The following METAP1 variants were observed in gnomAD, a reference collection of about 807,000 sequenced individuals.
The protein encoded by METAP1 is methionine aminopeptidase 1.
In METAP1, 28 loss-of-function variants were observed where a neutral mutation model predicts 53.8. That is an observed-to-expected ratio of 0.52 (90% confidence interval 0.39 to 0.71). The LOEUF (loss-of-function observed/expected upper bound fraction) is 0.71, where lower values mean the gene tolerates loss of function less well. Among genes scored for constraint, METAP1 ranks in the 30% least tolerant of loss-of-function variants. METAP1 has a pLI of 0.00. For synonymous variants in METAP1, 181 were observed against 165.7 expected (o/e 1.09, Z -0.71); for missense variants, 389 against 479.8 (o/e 0.81, Z 1.77).
At chr4:99,000,336 G>A (rs1722859606) in intron 1 of METAP1, among the ~76,000 whole-genome samples, 1 of 152,194 alleles carries the variant, frequency 6.6e-6, no homozygotes, top group Non-Finnish European at 1.5e-5. Context: ...TAAGCATAGT[G>A]TAAGTGGAAG....
At chr4:99,011,969 A>AAACAG (rs1389920840) in intron 1 of METAP1, among the ~76,000 whole-genome samples, 12 of 152,140 alleles carry the variant, frequency 7.9e-5, no homozygotes, top group Non-Finnish European at 1.3e-4. Context: ...AAACAAAACA[A>AAACAG]AATGAGCTTG....
chr4:99,014,956 G>C (rs1376897273), intron 1 of METAP1, among the ~76,000 whole-genome samples: 1 of 152,196 alleles, frequency 6.6e-6, no homozygotes, highest in Non-Finnish European at 1.5e-5. Context: ...GCCCTCGGGG[G>C]CTGACCCTCA....
intron 9 of METAP1, among the ~76,000 whole-genome samples, chr4:99,056,899 A>G (rs188615974): frequency 1.1e-3 from 170 of 149,168 alleles, no homozygotes; most frequent in African/African-American, 3.7e-3. Context: ...GTCTTGCTCA[A>G]TCGCCCAGGC....
At chr4:99,044,110 G>A (rs1168084196) in intron 7 of METAP1, among the ~76,000 whole-genome samples, 1 of 151,978 alleles carries the variant, frequency 6.6e-6, no homozygotes, top group African/African-American at 2.4e-5. Context: ...TGTATTTTTT[G>A]TAGAGATGGG....
chr4:99,049,630 T>A (rs968998516), intron 9 of METAP1, among the ~76,000 whole-genome samples: 2 of 152,148 alleles, frequency 1.3e-5, no homozygotes, highest in African/African-American at 4.8e-5. Flanking sequence ...AATCTGTTAT[T>A]TAATGTCAGA....
At chr4:99,016,288 A>G (rs1387722008) in intron 1 of METAP1, among the ~76,000 whole-genome samples, 1 of 152,210 alleles carries the variant, frequency 6.6e-6, no homozygotes, top group Admixed American at 6.5e-5. Flanking sequence ...ATGAACCTGT[A>G]TCTCTTCGGG....
chr4:99,042,190 T>A (rs1725922594), intron 6 of METAP1, among the ~76,000 whole-genome samples: 1 of 152,078 alleles, frequency 6.6e-6, no homozygotes, highest in Admixed American at 6.5e-5. Context: ...TGCTCTGAAC[T>A]ATTATTTGTA....
chr4:99,033,517 T>C (rs1227123686), intron 2 of METAP1, among the ~76,000 whole-genome samples: 1 of 152,166 alleles, frequency 6.6e-6, no homozygotes, highest in Non-Finnish European at 1.5e-5. Flanking sequence ...TGAGTAGAAT[T>C]CTTGCGTATA....
At chr4:99,045,097 C>G in intron 7 of METAP1, 82 bp from the exon 8 acceptor site, 1 of 1,379,164 alleles carries the variant, frequency 7.3e-7, no homozygotes, top group East Asian at 2.5e-5. Context: ...CATTAAGTTG[C>G]TAGATGCTGT....
At chr4:99,036,726 T>C (rs77729435) in intron 4 of METAP1, among the ~76,000 whole-genome samples, 1,897 of 152,174 alleles carry the variant, frequency 0.012, 39 homozygotes, top group African/African-American at 0.043. Context: ...TACTACTGAG[T>C]GTTTAGATCA....
chr4:99,005,355 A>G (rs1024051453), intron 1 of METAP1, among the ~76,000 whole-genome samples: 18 of 152,234 alleles, frequency 1.2e-4, no homozygotes, highest in East Asian at 9.6e-4. Context: ...TCAAAAGAAG[A>G]TATGGCCAAC....
intron 7 of METAP1, among the ~76,000 whole-genome samples, chr4:99,043,866 G>A (rs1726040840): frequency 6.6e-6 from 1 of 152,166 alleles, no homozygotes; most frequent in African/African-American, 2.4e-5. Flanking sequence ...TACAAGTATA[G>A]AGAGTAGAGG....
intron 9 of METAP1, among the ~76,000 whole-genome samples, chr4:99,050,389 C>T (rs1726606516): frequency 6.6e-6 from 1 of 152,142 alleles, no homozygotes. Context: ...AGATGGATTG[C>T]AGGTGGGAGT....
intron 1 of METAP1, among the ~76,000 whole-genome samples, chr4:99,002,594 A>C (rs1034557184): frequency 6.6e-6 from 1 of 152,114 alleles, no homozygotes; most frequent in Non-Finnish European, 1.5e-5. Flanking sequence ...TTGTGTGTGC[A>C]TGTGTGTGTG....
chr4:99,040,208 G>A lies in METAP1; in HGVS notation c.432+743G>A, dbSNP rs185972283. On this transcript the variant is annotated intron_variant, in intron 5 of 10. Transcript: ENST00000296411. ...ATTTTCACAAGTCATCATAACATAG[G>A]ACAGAGTTTAAGGCTCAGAGGGTTA... Among the ~76,000 whole-genome samples, 254 of 152,130 alleles carry A rather than the reference G, an allele frequency of 1.7e-3. 3 individuals carry two copies. Among genetic ancestry groups the A allele is most frequent in the African/African-American group, 5.5e-3 (230 of 41,524 alleles).
intron 1 of METAP1, chr4:99,022,582 A>T: frequency 1.5e-6 from 1 of 652,188 alleles, no homozygotes; most frequent in South Asian, 2.0e-5. Flanking sequence ...AAGATAGAAG[A>T]TGGTCTCACA....
At chr4:99,013,510 A>G (rs900255184) in intron 1 of METAP1, among the ~76,000 whole-genome samples, 5 of 152,232 alleles carry the variant, frequency 3.3e-5, no homozygotes, top group African/African-American at 4.8e-5. Flanking sequence ...ACTTTCTGCC[A>G]AAAGGGTGCA....
chr4:99,006,124 A>G (rs1225080581), intron 1 of METAP1, among the ~76,000 whole-genome samples: 1 of 152,196 alleles, frequency 6.6e-6, no homozygotes, highest in Non-Finnish European at 1.5e-5. Context: ...GGAGTTGTGT[A>G]TTACTCATGA....
At chr4:99,023,065 A>G in intron 1 of METAP1, 1 of 1,349,822 alleles carries the variant, frequency 7.4e-7, no homozygotes, top group Non-Finnish European at 1.0e-6. Context: ...CTCCACATCT[A>G]GTGTCTGGTC....
Sources: gnomAD v4.1 joint callset for allele counts (sites outside exome capture counted in the v4.1 genomes callset) on GRCh38, gnomAD v4.1.1 for gene constraint, MANE v1.5 for transcripts, NCBI Gene and HGNC (gene_info 2026-07-23, HGNC 2026-07-21) for gene names.